MGST2: variants seen among roughly 807,000 people sequenced by gnomAD.
MGST2 encodes the protein microsomal glutathione S-transferase 2.
A neutral mutation model predicts 16.6 loss-of-function variants in MGST2; 9 were observed. The observed-to-expected ratio is 0.54, with a 90% CI of 0.33 to 0.95. The LOEUF is 0.95. MGST2 is among the 40% of genes least tolerant of loss of function. The probability of loss-of-function intolerance (pLI) is 0.03; values close to 1 mark genes in which losing one functional copy is unlikely to be tolerated. For synonymous variants in MGST2, 79 were observed against 68.0 expected, an observed-to-expected ratio of 1.16 and a Z score of -0.79; for missense variants, 159 against 175.1, an observed-to-expected ratio of 0.91 and a Z score of 0.52.
chr4:139,740,362 G>C (rs1579380806), exon 6 of MGST2: 1 of 152,240 alleles, frequency 6.6e-6, no homozygotes, highest in African/African-American at 2.4e-5. Context: ...GCACCACTGA[G>C]ACGAGCACAG....
intron 5 of MGST2, chr4:139,731,435 T>TAAAGAA (rs1728709690): frequency 5.2e-5 from 2 of 38,718 alleles, no homozygotes; most frequent in East Asian, 1.9e-3. Flanking sequence ...CTGTCTCTAC[T>TAAAGAA]AAAAAAAAAA....
intron 2 of MGST2, among the ~76,000 whole-genome samples, chr4:139,683,374 C>T (rs942622124): frequency 1.3e-5 from 2 of 152,084 alleles, no homozygotes; most frequent in African/African-American, 4.8e-5. Context: ...AAAGGATGGC[C>T]TTGCGATGAT....
At chr4:139,696,234 C>T (rs764838332) in intron 3 of MGST2, among the ~76,000 whole-genome samples, 25 of 152,126 alleles carry the variant, frequency 1.6e-4, no homozygotes, top group Non-Finnish European at 3.2e-4. Flanking sequence ...GAGGTGGAAG[C>T]GGAGACAGAA....
chr4:139,668,123 G>A (rs984369027), intron 1 of MGST2, among the ~76,000 whole-genome samples: 3 of 152,122 alleles, frequency 2.0e-5, no homozygotes, highest in African/African-American at 7.2e-5. Flanking sequence ...GGTCATAGGT[G>A]GATTTAAAGA....
At chr4:139,700,439 C>G (rs900242502) in intron 3 of MGST2, among the ~76,000 whole-genome samples, 2 of 152,090 alleles carry the variant, frequency 1.3e-5, no homozygotes, top group Admixed American at 1.3e-4. Context: ...CCACCAGGTA[C>G]TGTTTTTAAG....
downstream of MGST2, among the ~76,000 whole-genome samples, chr4:139,745,110 T>C (rs546416013): frequency 1.7e-4 from 26 of 152,128 alleles, no homozygotes; most frequent in Admixed American, 5.2e-4. Flanking sequence ...TTGATGGAAG[T>C]GTAGATTTGG....
chr4:139,670,992 G>T (rs1291472177), intron 1 of MGST2, among the ~76,000 whole-genome samples: 1 of 152,018 alleles, frequency 6.6e-6, no homozygotes, highest in East Asian at 1.9e-4. Flanking sequence ...TAATTTAAAA[G>T]AACTGGCCTA....
chr4:139,700,373 C>T (rs1366989784), intron 3 of MGST2, among the ~76,000 whole-genome samples: 6 of 152,090 alleles, frequency 3.9e-5, no homozygotes, highest in Middle Eastern at 3.4e-3. Context: ...TCTCGTGATC[C>T]GCCAGTCTCG....
rs903901963 is a variant in MGST2 at position 139,715,567 on chromosome 4, C to A, written c.*48+11371C>A. On this transcript the variant is annotated intron_variant, in intron 5 of 5. Coordinates refer to the MGST2 transcript ENST00000616265. This position sits in a 1 kb window ranked among gnomAD's most constrained non-coding sequence, Gnocchi z 4.4. ...AAGTAAAGGAATAAAAGAATGGCTA[C>A]TCCATAGAGCAGCCCCGAGGGCTGC... 1.7e-4 allele frequency among the ~76,000 whole-genome samples: 26 copies of A among 152,304 alleles called. No homozygotes were observed. Among genetic ancestry groups the A allele is most frequent in the Non-Finnish European group, 2.8e-4 (19 of 68,028 alleles).
chr4:139,679,959 T>C (rs1361524555), intron 2 of MGST2, among the ~76,000 whole-genome samples: 1 of 152,258 alleles, frequency 6.6e-6, no homozygotes, highest in Non-Finnish European at 1.5e-5. Context: ...TTACAGGTTT[T>C]ATGACAACAA....
At chr4:139,720,843 G>C (rs1402090932) in intron 5 of MGST2, among the ~76,000 whole-genome samples, 1 of 152,224 alleles carries the variant, frequency 6.6e-6, no homozygotes, top group Non-Finnish European at 1.5e-5. Flanking sequence ...TTGTGAAGTG[G>C]AACATGGTTC....
chr4:139,749,671 A>G, the MGST2 span, among the ~76,000 whole-genome samples: 1 of 152,216 alleles, frequency 6.6e-6, no homozygotes, highest in Non-Finnish European at 1.5e-5. Context: ...TTCTGGACAA[A>G]TTCTATTTTC....
intron 3 of MGST2, among the ~76,000 whole-genome samples, chr4:139,702,843 G>GTTTTTTTTTTTTTTTTTTTTTTTTT (rs1727325108): frequency 1.4e-4 from 4 of 27,604 alleles, no homozygotes; most frequent in Non-Finnish European, 3.8e-4. Context: ...TTGTGTTACT[G>GTTTTTTTTTTTTTTTTTTTTTTTTT]GTTTTTTTTT....
intron 2 of MGST2, among the ~76,000 whole-genome samples, chr4:139,685,735 C>T (rs1357254248): frequency 6.6e-6 from 1 of 152,244 alleles, no homozygotes; most frequent in East Asian, 1.9e-4. Flanking sequence ...GCAATCTTGG[C>T]TCACTGCAAC....
At chr4:139,739,403 G>A (rs901746630) in intron 5 of MGST2, among the ~76,000 whole-genome samples, 1 of 152,154 alleles carries the variant, frequency 6.6e-6, no homozygotes, top group Non-Finnish European at 1.5e-5. Flanking sequence ...TCCCTCCAAT[G>A]GAAACACAAC....
the MGST2 span, among the ~76,000 whole-genome samples, chr4:139,752,899 A>T: frequency 1.3e-5 from 2 of 152,178 alleles, no homozygotes; most frequent in African/African-American, 4.8e-5. Context: ...CACTGGGAAG[A>T]GCTAACAGGG....
intron 5 of MGST2, among the ~76,000 whole-genome samples, chr4:139,734,573 T>A (rs1346858101): frequency 6.6e-6 from 1 of 152,118 alleles, no homozygotes; most frequent in African/African-American, 2.4e-5. Flanking sequence ...TATCTTCCCC[T>A]CCAGGGAAAA....
At chr4:139,710,767 T>C (rs1487428652) in intron 5 of MGST2, among the ~76,000 whole-genome samples, 1 of 152,204 alleles carries the variant, frequency 6.6e-6, no homozygotes, top group Non-Finnish European at 1.5e-5. Context: ...GTTTTGTGCC[T>C]AAATTTGATG....
chr4:139,690,616 C>T (rs1726522047), intron 2 of MGST2, among the ~76,000 whole-genome samples: 1 of 152,148 alleles, frequency 6.6e-6, no homozygotes, highest in South Asian at 2.1e-4. Flanking sequence ...TGGGCCTCCT[C>T]TGCTGCAGGA....
Sources: gnomAD v4.1 joint callset for allele counts (sites outside exome capture counted in the v4.1 genomes callset) on GRCh38, gnomAD v4.1.1 for gene constraint, Gnocchi (gnomAD v3.1) non-coding constraint, MANE v1.5 for transcripts, NCBI Gene and HGNC (gene_info 2026-07-23, HGNC 2026-07-21) for gene names.